CNBD1: variants seen among roughly 807,000 people sequenced by gnomAD.
The protein encoded by CNBD1 is cyclic nucleotide-binding domain-containing protein 1.
CNBD1 carries 71 observed loss-of-function variants against 54.4 expected under a neutral mutation model. The observed-to-expected ratio is 1.30, with a 90% CI of 1.08 to 1.59. CNBD1 has a LOEUF of 1.59. Ranked by LOEUF, CNBD1 falls within the 40% of genes most tolerant of loss-of-function variation. The pLI, the probability that CNBD1 is intolerant of heterozygous loss-of-function variation, is 0.00. For missense variants in CNBD1, 659 were observed against 518.0 expected (o/e 1.27, Z -2.64); for synonymous variants, 182 against 170.7 (o/e 1.07, Z -0.51).
At chr8:87,018,708 C>A (rs765275037) in intron 4 of CNBD1, among the ~76,000 whole-genome samples, 1 of 152,172 alleles carries the variant, frequency 6.6e-6, no homozygotes, top group Non-Finnish European at 1.5e-5. Context: ...TGGCATCCTA[C>A]TGGGCCCAGA....
At chr8:87,207,331 C>T (rs1229199140) in intron 5 of CNBD1, among the ~76,000 whole-genome samples, 1 of 151,688 alleles carries the variant, frequency 6.6e-6, no homozygotes, top group Admixed American at 6.6e-5. Flanking sequence ...GAATTCTAGA[C>T]AGTGATTAAA....
At chr8:87,195,835 A>G (rs1239528905) in intron 4 of CNBD1, among the ~76,000 whole-genome samples, 5 of 152,132 alleles carry the variant, frequency 3.3e-5, no homozygotes, top group African/African-American at 9.7e-5. Context: ...GGCCTCCCAA[A>G]GTGCTGGGAT....
At chr8:87,348,937 C>G (rs1481699788) in intron 8 of CNBD1, among the ~76,000 whole-genome samples, 1 of 152,066 alleles carries the variant, frequency 6.6e-6, no homozygotes, top group East Asian at 1.9e-4. Flanking sequence ...TTTCCTTTGC[C>G]TTAAGATAAA....
chr8:87,382,827 C>A lies in CNBD1; in HGVS notation c.*200C>A. 1 of 443,218 alleles carries A rather than the reference C, an allele frequency of 2.3e-6. No homozygotes were observed. The highest frequency in any genetic ancestry group is 3.2e-5 in the East Asian group (1 of 31,176). The allele number at this position is 443,218 out of a possible 1,614,324, so 27.5% of individuals were successfully genotyped here. A position where few individuals can be genotyped will look rare whatever the true frequency, so the allele number is the denominator to read the frequency against. ...TTAGCAGTCTTTCTTGGTTTGGATA[C>A]TAAAATAAATATAGTTATCATTGCT... On this transcript the variant is annotated 3_prime_UTR_variant, in exon 11 of 11. Transcript: ENST00000518476.
chr8:87,311,890 A>C (rs544504447), intron 8 of CNBD1, among the ~76,000 whole-genome samples: 1 of 152,210 alleles, frequency 6.6e-6, no homozygotes, highest in African/African-American at 2.4e-5. Flanking sequence ...TGGAAGCTAA[A>C]CATTGGACAC....
chr8:86,905,149 A>G lies in CNBD1; in HGVS notation c.227A>G (p.His76Arg), dbSNP rs370777518. Residue 76 changes from histidine to arginine, a missense_variant, in exon 3 of 11, where the codon CAC becomes CGC. Coordinates refer to ENST00000518476, the MANE Select transcript of CNBD1 (RefSeq NM_173538.3). ...FMKQYPKVFL[H>R]QKPRLPKLFK... is the part of the protein sequence containing the mutation. ...AAGCAATATCCTAAAGTATTCCTGC[A>G]CCAAAAACCCAGACTTCCTAAACTT... is the stretch of plus-strand genomic sequence containing the variant. The G allele has an allele frequency of 8.1e-6, 13 of 1,612,524 alleles. No homozygotes were observed. The highest frequency in any genetic ancestry group is 4.5e-5 in the East Asian group (2 of 44,824).
At chr8:87,126,752 TAGA>T (rs1194232437) in intron 4 of CNBD1, among the ~76,000 whole-genome samples, 2 of 152,022 alleles carry the variant, frequency 1.3e-5, no homozygotes, top group African/African-American at 4.8e-5. Context: ...TGTATTATTC[TAGA>T]AGTTTTATAG....
At chr8:87,370,503 CT>C (rs1429963515) in intron 10 of CNBD1, among the ~76,000 whole-genome samples, 5 of 152,012 alleles carry the variant, frequency 3.3e-5, no homozygotes, top group Non-Finnish European at 7.4e-5. Flanking sequence ...TTTCATGTGT[CT>C]TTTGGCTGCA....
At chr8:86,917,643 A>G (rs1563821336) in intron 3 of CNBD1, among the ~76,000 whole-genome samples, 1 of 152,170 alleles carries the variant, frequency 6.6e-6, no homozygotes, top group Admixed American at 6.6e-5. Flanking sequence ...AAGAGAGTTA[A>G]GAGTGGATGC....
intron 3 of CNBD1, among the ~76,000 whole-genome samples, chr8:86,935,399 T>G (rs1400136920): frequency 6.6e-6 from 1 of 152,194 alleles, no homozygotes; most frequent in Non-Finnish European, 1.5e-5. Flanking sequence ...GGAGTTTTCT[T>G]TGTAGGAAGG....
At chr8:87,246,496 G>T (rs1399039689) in intron 6 of CNBD1, among the ~76,000 whole-genome samples, 2 of 152,242 alleles carry the variant, frequency 1.3e-5, no homozygotes, top group Non-Finnish European at 2.9e-5. Flanking sequence ...AGTTAAGAGA[G>T]TTTTGGTTTT....
chr8:87,400,905 A>C (rs1374903919), intron 2 of CNBD1, among the ~76,000 whole-genome samples: 1 of 152,004 alleles, frequency 6.6e-6, no homozygotes, highest in African/African-American at 2.4e-5. Context: ...TATTTAATTA[A>C]TTTATCTCAG....
intron 6 of CNBD1, among the ~76,000 whole-genome samples, chr8:87,256,008 TATATA>T (rs1240750069): frequency 2.6e-3 from 53 of 20,742 alleles, no homozygotes; most frequent in Non-Finnish European, 3.2e-3. Context: ...TATATATATA[TATATA>T]TATTTTTTTT....
At chr8:87,424,754 T>A (rs936580630) in intron 2 of CNBD1, among the ~76,000 whole-genome samples, 22 of 152,174 alleles carry the variant, frequency 1.4e-4, no homozygotes, top group Non-Finnish European at 1.9e-4. Context: ...GCCCTTAACC[T>A]TTTTTCCTTC....
intron 8 of CNBD1, among the ~76,000 whole-genome samples, chr8:87,321,865 C>T (rs1331538263): frequency 6.7e-6 from 1 of 148,228 alleles, no homozygotes; most frequent in African/African-American, 2.5e-5. Context: ...AGGTTAGTTA[C>T]ATATGTATAC....
chr8:87,082,360 C>T (rs1474613926), intron 4 of CNBD1, among the ~76,000 whole-genome samples: 2 of 152,158 alleles, frequency 1.3e-5, no homozygotes, highest in East Asian at 3.9e-4. Context: ...TTTTTGGACT[C>T]AGCCCACTTG....
intron 4 of CNBD1, among the ~76,000 whole-genome samples, chr8:87,041,529 A>G (rs551842106): frequency 7.9e-5 from 12 of 152,104 alleles, no homozygotes; most frequent in African/African-American, 2.6e-4. Context: ...AAAACCATCT[A>G]TGGTCACACC....
chr8:87,100,570 C>T (rs1376483348), intron 4 of CNBD1, among the ~76,000 whole-genome samples: 1 of 152,074 alleles, frequency 6.6e-6, no homozygotes, highest in Non-Finnish European at 1.5e-5. Flanking sequence ...CCTCCACCTC[C>T]CAAGTTCAAG....
intron 3 of CNBD1, among the ~76,000 whole-genome samples, chr8:86,934,900 C>T (rs537027886): frequency 1.3e-5 from 2 of 152,144 alleles, no homozygotes; most frequent in Non-Finnish European, 2.9e-5. Context: ...TGTAATCTTC[C>T]TTTCTGGTAA....
Sources: gnomAD v4.1 joint callset for allele counts (sites outside exome capture counted in the v4.1 genomes callset) on GRCh38, gnomAD v4.1.1 for gene constraint, MANE v1.5 for transcripts, NCBI Gene and HGNC (gene_info 2026-07-23, HGNC 2026-07-21) for gene names.